Variants in NFATC2 observed in about 807,000 individuals in gnomAD.
NFATC2 encodes the protein nuclear factor of activated T-cells, cytoplasmic 2.
A neutral mutation model predicts 87.3 loss-of-function variants in NFATC2; 22 were observed. That is an observed-to-expected ratio of 0.25 (90% CI 0.18 to 0.36). The LOEUF (loss-of-function observed/expected upper bound fraction) is 0.36, where lower values mean the gene tolerates loss of function less well. Ranked by LOEUF, NFATC2 falls within the 10% of genes least tolerant of loss-of-function variation. The pLI is 1.00. For synonymous variants in NFATC2, 565 were observed against 542.2 expected, an observed-to-expected ratio of 1.04 and a Z score of -0.58; for missense variants, 1,149 against 1,259.1, an observed-to-expected ratio of 0.91 and a Z score of 1.32.
At chr20:51,479,537 T>C (rs563428788) in intron 3 of NFATC2, among the ~76,000 whole-genome samples, 2 of 152,300 alleles carry the variant, frequency 1.3e-5, no homozygotes, top group Admixed American at 6.5e-5. Context: ...AGAGGATCAG[T>C]TGAGTCCAGG....
intron 1 of NFATC2, among the ~76,000 whole-genome samples, chr20:51,559,721 G>A (rs73910711): frequency 0.039 from 6,004 of 152,270 alleles, 388 homozygotes; most frequent in African/African-American, 0.14. Context: ...TCTAGGGCAG[G>A]AATTGAGCAC....
chr20:51,435,871 A>C, intron 6 of NFATC2, 110 bp from the exon 7 acceptor site: 1 of 892,912 alleles, frequency 1.1e-6, no homozygotes, highest in Non-Finnish European at 1.8e-6. Context: ...ATGTCATTTC[A>C]GTAAGGTGTG....
intron 8 of NFATC2, among the ~76,000 whole-genome samples, chr20:51,433,759 A>ATG (rs59775939): frequency 0.48 from 69,933 of 145,918 alleles, 17,636 homozygotes; most frequent in South Asian, 0.6. Flanking sequence ...TCATGCATGC[A>ATG]TGTGTGTGTG....
chr20:51,556,082 T>C (rs373867052), intron 1 of NFATC2, among the ~76,000 whole-genome samples: 46 of 151,988 alleles, frequency 3.0e-4, no homozygotes, highest in East Asian at 1.9e-3. Flanking sequence ...GGGAAGAAGG[T>C]CACATGAAGA....
rs142870438 is a variant in NFATC2 at position 51,549,791 on chromosome 20, T to G, written c.70+12769A>C. On this transcript the variant is annotated intron_variant, in intron 1 of 10. Transcript: ENST00000414705. ...TGAGTAGCAGCCGGGGCTCGCTTCATGGGATGTGACATGCAGAGTCACACG... is the reference window on the plus strand; with the variant it reads ...TGAGTAGCAGCCGGGGCTCGCTTCAGGGGATGTGACATGCAGAGTCACACG... Among the ~76,000 whole-genome samples, 139 of 152,334 alleles carry G rather than the reference T, an allele frequency of 9.1e-4. 2 individuals carry two copies. In the East Asian group the frequency reaches 0.022, roughly 24 times the overall value.
chr20:51,402,626 T>C (rs1479631900), intron 9 of NFATC2, among the ~76,000 whole-genome samples: 1 of 152,180 alleles, frequency 6.6e-6, no homozygotes, highest in Non-Finnish European at 1.5e-5. Flanking sequence ...ACATATACCA[T>C]AAACCCCCTC....
chr20:51,541,456 C>T (rs899072230), intron 1 of NFATC2, among the ~76,000 whole-genome samples: 11 of 152,208 alleles, frequency 7.2e-5, no homozygotes, highest in African/African-American at 2.4e-4. Flanking sequence ...TCCTCCTCCT[C>T]CTCCCTCTAA....
At chr20:51,466,091 C>T (rs1310889256) in intron 5 of NFATC2, among the ~76,000 whole-genome samples, 3 of 152,084 alleles carry the variant, frequency 2.0e-5, no homozygotes, top group African/African-American at 7.2e-5. Flanking sequence ...CTCACTCTGT[C>T]GCCCAGGCTG....
At chr20:51,552,978 C>CT (rs1179552527) in intron 1 of NFATC2, among the ~76,000 whole-genome samples, 1 of 152,084 alleles carries the variant, frequency 6.6e-6, no homozygotes, top group African/African-American at 2.4e-5. Flanking sequence ...CCGCACCTTC[C>CT]TGGCAAGGCC....
chr20:51,515,699 A>G (rs539484585), intron 3 of NFATC2, among the ~76,000 whole-genome samples: 31 of 151,308 alleles, frequency 2.0e-4, no homozygotes, highest in African/African-American at 6.5e-4. Flanking sequence ...AAAAAAAAAA[A>G]GCAATTGTCA....
At chr20:51,407,715 G>A (rs35051886) in intron 9 of NFATC2, among the ~76,000 whole-genome samples, 92,280 of 152,114 alleles carry the variant, frequency 0.61, 29,472 homozygotes, top group Non-Finnish European at 0.72. Context: ...GCACCCAGCC[G>A]CGTGCCTGGC....
chr20:51,534,399 A>G (rs2076685960), intron 1 of NFATC2, among the ~76,000 whole-genome samples: 1 of 152,206 alleles, frequency 6.6e-6, no homozygotes, highest in South Asian at 2.1e-4. Context: ...CAGTGGCGCA[A>G]TCTCAGCTCA....
intron 9 of NFATC2, among the ~76,000 whole-genome samples, chr20:51,430,769 C>T (rs533866359): frequency 3.8e-4 from 58 of 152,284 alleles, no homozygotes; most frequent in Non-Finnish European, 7.1e-4. Flanking sequence ...TCTGGCACTG[C>T]GGTATATGAA....
chr20:51,457,634 C>CAGCGAGAGTCTAATCCAGCTGCCTGG (rs34060437), intron 5 of NFATC2, among the ~76,000 whole-genome samples: 1 of 151,186 alleles, frequency 6.6e-6, no homozygotes, highest in Non-Finnish European at 1.5e-5. Context: ...AAAGAGAAAA[C>CAGCGAGAGTCTAATCCAGCTGCCTGG]ACGCCTTTAG....
intron 3 of NFATC2, among the ~76,000 whole-genome samples, chr20:51,501,663 T>A (rs1223659111): frequency 2.0e-5 from 3 of 152,170 alleles, no homozygotes; most frequent in Admixed American, 6.5e-5. Context: ...CCATCCCCCA[T>A]TCCTGCCTTA....
chr20:51,557,346 G>C (rs866956670), intron 1 of NFATC2, among the ~76,000 whole-genome samples: 2 of 152,182 alleles, frequency 1.3e-5, no homozygotes, highest in South Asian at 4.1e-4. Context: ...CCACTCGCTA[G>C]GGCTGCGACC....
chr20:51,473,378 G>A (rs962358908), intron 5 of NFATC2, among the ~76,000 whole-genome samples: 4 of 152,088 alleles, frequency 2.6e-5, no homozygotes, highest in Admixed American at 1.3e-4. Context: ...GACAGGGCAT[G>A]CCTCCCACGT....
chr20:51,468,892 G>A (rs1987943625), intron 5 of NFATC2, among the ~76,000 whole-genome samples: 1 of 152,138 alleles, frequency 6.6e-6, no homozygotes, highest in Non-Finnish European at 1.5e-5. Flanking sequence ...GATGGGGAGG[G>A]GTGGGCTCCA....
intron 5 of NFATC2, among the ~76,000 whole-genome samples, chr20:51,467,862 T>A (rs1191511059): frequency 6.6e-6 from 1 of 152,178 alleles, no homozygotes; most frequent in Non-Finnish European, 1.5e-5. Flanking sequence ...AGGACTTGAG[T>A]AGGAATGTGC....
Sources: allele counts gnomAD v4.1 joint callset (sites outside exome capture counted in the v4.1 genomes callset), GRCh38; gene constraint gnomAD v4.1.1; transcripts MANE v1.5; gene names NCBI Gene and HGNC (gene_info 2026-07-23, HGNC 2026-07-21).